EPB41L2: variants seen among roughly 807,000 people sequenced by gnomAD.
The protein encoded by EPB41L2 is band 4.1-like protein 2.
A neutral mutation model predicts 113.0 loss-of-function variants in EPB41L2; 43 were observed. The ratio of observed to expected loss-of-function variants is 0.38; its 90% confidence interval spans 0.30 to 0.49. EPB41L2 has a LOEUF of 0.49. Ranked by LOEUF, EPB41L2 falls within the 20% of genes least tolerant of loss-of-function variation. The probability of loss-of-function intolerance (pLI) is 0.95; values close to 1 mark genes in which losing one functional copy is unlikely to be tolerated. For missense variants in EPB41L2, 1,147 were observed against 1,223.4 expected (o/e 0.94, Z 0.93); for synonymous variants, 442 against 436.7 (o/e 1.01, Z -0.15).
intron 1 of EPB41L2, among the ~76,000 whole-genome samples, chr6:130,959,893 T>C (rs977950253): frequency 6.6e-6 from 1 of 152,214 alleles, no homozygotes; most frequent in Non-Finnish European, 1.5e-5. Context: ...TGAGAAATAG[T>C]CTGGGAACCA....
At chr6:130,847,852 A>G (rs1318773747) in intron 19 of EPB41L2, among the ~76,000 whole-genome samples, 1 of 152,176 alleles carries the variant, frequency 6.6e-6, no homozygotes, top group Non-Finnish European at 1.5e-5. Context: ...ACAAAATCTT[A>G]AAGCTTCTTT....
chr6:130,905,680 A>G (rs965844543), intron 5 of EPB41L2, among the ~76,000 whole-genome samples: 3 of 152,090 alleles, frequency 2.0e-5, no homozygotes, highest in African/African-American at 7.2e-5. Context: ...TCAGCCTCTC[A>G]AAGTGTTGGG....
intron 4 of EPB41L2, among the ~76,000 whole-genome samples, chr6:130,913,567 C>T (rs1336473027): frequency 6.6e-6 from 1 of 152,056 alleles, no homozygotes; most frequent in Non-Finnish European, 1.5e-5. Flanking sequence ...TGATATATGC[C>T]CCTTGCTTGC....
At chr6:130,933,480 G>A (rs921440841) in intron 3 of EPB41L2, among the ~76,000 whole-genome samples, 41 of 151,902 alleles carry the variant, frequency 2.7e-4, no homozygotes, top group Non-Finnish European at 1.5e-4. Context: ...TAAAGTTAAC[G>A]GGTTGAAAAC....
At chr6:130,904,940 G>T (rs1278450313) in intron 5 of EPB41L2, among the ~76,000 whole-genome samples, 1 of 146,432 alleles carries the variant, frequency 6.8e-6, no homozygotes, top group African/African-American at 2.5e-5. Flanking sequence ...TAAAATTCAG[G>T]ATTTTCTACA....
intron 3 of EPB41L2, among the ~76,000 whole-genome samples, chr6:130,941,744 C>T (rs1014371343): frequency 2.0e-5 from 3 of 152,164 alleles, no homozygotes; most frequent in Non-Finnish European, 1.5e-5. Context: ...CAGGCTTAAT[C>T]TCAAAACAGG....
chr6:130,869,545 C>A lies in EPB41L2; in HGVS notation c.2607+18G>T. The stretch of plus-strand genomic sequence containing the variant: ...AAGCAGCTCTAGAGTTTGGCTCCCA[C>A]CTGGGACTCCCATTTACCTCTGAAC... On this transcript the variant is annotated intron_variant, in intron 15 of 19. Coordinates refer to ENST00000337057, the MANE Select transcript of EPB41L2 (RefSeq NM_001431.4). The A allele has an allele frequency of 6.2e-7, 1 of 1,608,140 alleles. No individual in the cohort carries two copies. The highest frequency in any genetic ancestry group is 1.7e-5 in the Admixed American group (1 of 59,820).
intron 3 of EPB41L2, among the ~76,000 whole-genome samples, chr6:130,936,628 C>G (rs894526973): frequency 6.6e-6 from 1 of 152,148 alleles, no homozygotes; most frequent in Admixed American, 6.5e-5. Flanking sequence ...CCAAGGCATA[C>G]GACTTAAGTA....
intron 19 of EPB41L2, among the ~76,000 whole-genome samples, chr6:130,849,076 T>C (rs1273272612): frequency 1.3e-5 from 2 of 152,042 alleles, no homozygotes; most frequent in East Asian, 3.9e-4. Context: ...GGGTAACATA[T>C]ATGCATAAGG....
intron 1 of EPB41L2, among the ~76,000 whole-genome samples, chr6:130,991,335 C>T (rs1378787484): frequency 6.6e-6 from 1 of 152,112 alleles, no homozygotes. Flanking sequence ...CTTAAGAAAC[C>T]AATCAGTGTA....
chr6:130,926,895 A>G (rs1435936211), intron 3 of EPB41L2, among the ~76,000 whole-genome samples, 186 bp from the exon 4 acceptor site: 1 of 152,216 alleles, frequency 6.6e-6, no homozygotes, highest in Non-Finnish European at 1.5e-5. Flanking sequence ...ACACATATAC[A>G]AAGCATAAAA....
At chr6:131,038,075 A>G (rs1793723390) in intron 1 of EPB41L2, among the ~76,000 whole-genome samples, 1 of 152,128 alleles carries the variant, frequency 6.6e-6, no homozygotes, top group Non-Finnish European at 1.5e-5. Flanking sequence ...TCATTTTTAT[A>G]TTTCTTTTTA....
chr6:130,845,709 T>C (rs1374364597), intron 19 of EPB41L2, among the ~76,000 whole-genome samples: 1 of 152,158 alleles, frequency 6.6e-6, no homozygotes, highest in Non-Finnish European at 1.5e-5. Context: ...CAGTGTGCAC[T>C]TGCAGTAAAA....
chr6:130,929,997 A>G (rs1806255293), intron 3 of EPB41L2, among the ~76,000 whole-genome samples: 1 of 152,104 alleles, frequency 6.6e-6, no homozygotes, highest in Non-Finnish European at 1.5e-5. Flanking sequence ...TATTTGCCAA[A>G]GTTATTTTCC....
chr6:130,865,130 T>C (rs1218401988), intron 17 of EPB41L2, among the ~76,000 whole-genome samples: 4 of 152,230 alleles, frequency 2.6e-5, no homozygotes, highest in Non-Finnish European at 5.9e-5. Context: ...ACTAGCGATC[T>C]TAAATGAGGG....
chr6:130,981,882 A>C (rs1241543919), intron 1 of EPB41L2, among the ~76,000 whole-genome samples: 4 of 152,080 alleles, frequency 2.6e-5, no homozygotes, highest in Non-Finnish European at 5.9e-5. Context: ...CTGAACCAAA[A>C]TTATGCTAAA....
chr6:130,887,468 ATGGT>A (rs1791425952), intron 11 of EPB41L2, among the ~76,000 whole-genome samples: 1 of 152,100 alleles, frequency 6.6e-6, no homozygotes, highest in Non-Finnish European at 1.5e-5. Flanking sequence ...AAACCCTTCA[ATGGT>A]TTCCTAGAGC....
chr6:131,021,676 T>G (rs1789529284), intron 1 of EPB41L2, among the ~76,000 whole-genome samples: 1 of 151,714 alleles, frequency 6.6e-6, no homozygotes, highest in African/African-American at 2.4e-5. Context: ...AAAAAAAAAG[T>G]AATACAAACA....
rs369077212 is a variant in EPB41L2, at chr6:130,955,235, C to T, written c.575G>A (p.Arg192Lys). The T allele has an allele frequency of 6.2e-7, 1 of 1,614,020 alleles. No individual in the cohort carries two copies. Among genetic ancestry groups the T allele is most frequent in the African/African-American group, 1.3e-5 (1 of 74,928 alleles). Residue 192 changes from arginine to lysine, a missense_variant, in exon 3 of 20, where the codon AGG (arginine) becomes AAG (lysine). Arg to Lys is a conservative substitution (Grantham distance 26). Transcript: ENST00000337057. ...ATTGGTCTGCACTTCCTTGGTCTCCCTTTTTGCTGCTCCTCCTTCTAATTT... is the reference window on the plus strand; with the variant it reads ...ATTGGTCTGCACTTCCTTGGTCTCCTTTTTTGCTGCTCCTCCTTCTAATTT... ...EDKLEGGAAKRETKEVQTNEL... is the reference protein window; with the variant it reads ...EDKLEGGAAKKETKEVQTNEL...
Sources: gnomAD v4.1 joint callset for allele counts (sites outside exome capture counted in the v4.1 genomes callset) on GRCh38, gnomAD v4.1.1 for gene constraint, MANE v1.5 for transcripts, NCBI Gene and HGNC (gene_info 2026-07-23, HGNC 2026-07-21) for gene names.